SLC41A3: variants seen among roughly 807,000 people sequenced by gnomAD.
The protein encoded by SLC41A3 is SLC41A1-like 2.
In SLC41A3, 44 loss-of-function variants were observed where a neutral mutation model predicts 45.4. That is an observed-to-expected ratio of 0.97 (90% CI 0.76 to 1.25). SLC41A3 has a LOEUF of 1.25. Among genes scored for constraint, SLC41A3 ranks in the 50% most tolerant of loss-of-function variants. SLC41A3 has a pLI of 0.00. For missense variants in SLC41A3, 550 were observed against 600.6 expected (o/e 0.92, Z 0.88); for synonymous variants, 256 against 252.4 (o/e 1.01, Z -0.13).
intron 4 of SLC41A3, among the ~76,000 whole-genome samples, chr3:126,030,871 G>A (rs566428629): frequency 6.6e-6 from 1 of 152,038 alleles, no homozygotes; most frequent in Admixed American, 6.6e-5. Flanking sequence ...CATTGAAGGG[G>A]GTCAATGTTG....
intron 8 of SLC41A3, among the ~76,000 whole-genome samples, chr3:126,013,289 G>A (rs1299896789): frequency 2.6e-5 from 4 of 152,004 alleles, no homozygotes; most frequent in Admixed American, 2.6e-4. Flanking sequence ...GCCAGGCATG[G>A]TGGCTCATGC....
intron 1 of SLC41A3, among the ~76,000 whole-genome samples, chr3:126,072,627 G>A (rs894504045): frequency 1.9e-4 from 29 of 152,336 alleles, no homozygotes; most frequent in African/African-American, 6.7e-4. Context: ...AACAGATGCT[G>A]GTGAGGTTGT....
At chr3:126,012,365 A>G (rs1939804283) in intron 9 of SLC41A3, among the ~76,000 whole-genome samples, 1 of 152,180 alleles carries the variant, frequency 6.6e-6, no homozygotes, top group Non-Finnish European at 1.5e-5. Context: ...CAAGGGCAAG[A>G]AATCAGCTCT....
intron 1 of SLC41A3, among the ~76,000 whole-genome samples, chr3:126,079,894 G>A (rs181262252): frequency 4.6e-5 from 7 of 152,198 alleles, no homozygotes; most frequent in African/African-American, 1.7e-4. Context: ...ATGGACAGAA[G>A]AGAGAACCTA....
intron 1 of SLC41A3, among the ~76,000 whole-genome samples, chr3:126,068,867 G>A (rs1944480698): frequency 6.6e-6 from 1 of 152,144 alleles, no homozygotes; most frequent in African/African-American, 2.4e-5. Flanking sequence ...CACTTGGAGG[G>A]CTGTCTGTAT....
At chr3:126,010,248 C>T (rs1016994533) in intron 9 of SLC41A3, among the ~76,000 whole-genome samples, 1 of 152,204 alleles carries the variant, frequency 6.6e-6, no homozygotes, top group Non-Finnish European at 1.5e-5. Context: ...CCAAGGCAGG[C>T]AATCAGTTGA....
At chr3:126,073,753 C>T (rs1224002481) in intron 1 of SLC41A3, among the ~76,000 whole-genome samples, 2 of 151,976 alleles carry the variant, frequency 1.3e-5, no homozygotes, top group Non-Finnish European at 2.9e-5. Context: ...AAAAGCTTAA[C>T]ACCAGATGGC....
chr3:126,014,691 G>A (rs952664382), intron 8 of SLC41A3, among the ~76,000 whole-genome samples: 9 of 152,254 alleles, frequency 5.9e-5, no homozygotes, highest in Non-Finnish European at 8.8e-5. Context: ...GGGACACTGT[G>A]GACACGCAGG....
intron 1 of SLC41A3, among the ~76,000 whole-genome samples, chr3:126,099,806 C>T (rs973984281): frequency 2.6e-5 from 4 of 152,212 alleles, no homozygotes; most frequent in African/African-American, 9.6e-5. Context: ...TTTATAACTG[C>T]GTTATAACTG....
At chr3:126,028,448 C>T (rs966795716) in intron 4 of SLC41A3, among the ~76,000 whole-genome samples, 8 of 152,274 alleles carry the variant, frequency 5.3e-5, no homozygotes, top group Admixed American at 2.6e-4. Context: ...TGCGGTTGCA[C>T]AGAGTGCAAA....
chr3:126,058,945 C>G (rs1943843684), intron 2 of SLC41A3, among the ~76,000 whole-genome samples: 1 of 152,036 alleles, frequency 6.6e-6, no homozygotes, highest in South Asian at 2.1e-4. Context: ...TCAGCCAGAG[C>G]CTAACAGCTC....
At chr3:126,012,876 TTCC>T in intron 8 of SLC41A3, 127 bp from the exon 9 acceptor site, 1 of 1,376,568 alleles carries the variant, frequency 7.3e-7, no homozygotes, top group Non-Finnish European at 9.8e-7. Flanking sequence ...ATCTTTTCCT[TTCC>T]TCCCACTTGA....
chr3:126,082,356 T>A (rs1384605068), intron 1 of SLC41A3, among the ~76,000 whole-genome samples: 1 of 152,200 alleles, frequency 6.6e-6, no homozygotes, highest in Admixed American at 6.5e-5. Flanking sequence ...TTGGGCAATG[T>A]CTGCACATGG....
At chr3:126,098,508 T>C (rs1945646425) in intron 1 of SLC41A3, among the ~76,000 whole-genome samples, 1 of 152,212 alleles carries the variant, frequency 6.6e-6, no homozygotes, top group African/African-American at 2.4e-5. Context: ...AGGTCAATAG[T>C]GTTTCCTGCT....
intron 2 of SLC41A3, among the ~76,000 whole-genome samples, chr3:126,060,673 T>A (rs1368964561): frequency 1.4e-5 from 2 of 144,410 alleles, no homozygotes; most frequent in Non-Finnish European, 3.1e-5. Context: ...AGAAAACATG[T>A]CAACACAGCT....
intron 5 of SLC41A3, 128 bp from the exon 6 acceptor site, chr3:126,023,060 T>A: frequency 2.4e-6 from 3 of 1,273,752 alleles, no homozygotes; most frequent in South Asian, 2.8e-5. Flanking sequence ...GGCTGCTCAT[T>A]AACTTGCCTC....
At chr3:126,062,469 T>C (rs567448353) in intron 2 of SLC41A3, among the ~76,000 whole-genome samples, 3 of 152,330 alleles carry the variant, frequency 2.0e-5, no homozygotes, top group South Asian at 4.1e-4. Context: ...AGGTCTCCCC[T>C]GCATCTGCCT....
chr3:126,069,030 G>A (rs1170022466), intron 1 of SLC41A3, among the ~76,000 whole-genome samples: 1 of 151,896 alleles, frequency 6.6e-6, no homozygotes, highest in Non-Finnish European at 1.5e-5. Flanking sequence ...ATGTCAACAG[G>A]GGTTTCGAAA....
chr3:126,036,200 A>G (rs541275813), intron 3 of SLC41A3, among the ~76,000 whole-genome samples: 1 of 152,336 alleles, frequency 6.6e-6, no homozygotes, highest in African/African-American at 2.4e-5. Flanking sequence ...GCCTGCTTTC[A>G]CTGACTCGGG....
Sources: allele counts gnomAD v4.1 joint callset (sites outside exome capture counted in the v4.1 genomes callset), GRCh38; gene constraint gnomAD v4.1.1; transcripts MANE v1.5; gene names NCBI Gene and HGNC (gene_info 2026-07-23, HGNC 2026-07-21).